The following SERGEF variants were observed in gnomAD, a reference collection of about 807,000 sequenced individuals.
SERGEF encodes secretion regulating guanine nucleotide exchange factor.
Under a neutral mutation model 50.0 loss-of-function variants are expected in SERGEF, and 51 were observed. The ratio of observed to expected loss-of-function variants is 1.02; its 90% CI spans 0.81 to 1.29. SERGEF has a LOEUF of 1.29. Among genes scored for constraint, SERGEF ranks in the 50% most tolerant of loss-of-function variants. The pLI, the probability that SERGEF is intolerant of heterozygous loss-of-function variation, is 0.00. For missense variants in SERGEF, 521 were observed against 557.0 expected (o/e 0.94, Z 0.65); for synonymous variants, 205 against 212.4 (o/e 0.97, Z 0.30).
At chr11:17,922,984 C>T (rs7928397) in intron 9 of SERGEF, among the ~76,000 whole-genome samples, 2,788 of 152,264 alleles carry the variant, frequency 0.018, 93 homozygotes, top group African/African-American at 0.063. Context: ...GGAGGTTACC[C>T]TAACAGAAAG....
intron 10 of SERGEF, among the ~76,000 whole-genome samples, chr11:17,854,413 A>T (rs1231255089): frequency 6.6e-6 from 1 of 152,152 alleles, no homozygotes; most frequent in African/African-American, 2.4e-5. Context: ...CTCTCCAGGC[A>T]TCTCTCTTCT....
chr11:17,910,189 A>ACT (rs1213330445), intron 9 of SERGEF, among the ~76,000 whole-genome samples: 21 of 90,768 alleles, frequency 2.3e-4, no homozygotes, highest in African/African-American at 3.8e-4. Flanking sequence ...ACACACACAC[A>ACT]CACACTCTCT....
intron 9 of SERGEF, among the ~76,000 whole-genome samples, chr11:17,948,743 C>T (rs1852718050): frequency 6.6e-6 from 1 of 152,198 alleles, no homozygotes; most frequent in Non-Finnish European, 1.5e-5. Context: ...AGTGGGACCC[C>T]ACTCTACCTC....
intron 10 of SERGEF, among the ~76,000 whole-genome samples, chr11:17,815,436 T>TCAAA (rs1849954309): frequency 9.2e-6 from 1 of 108,370 alleles, no homozygotes; most frequent in African/African-American, 3.6e-5. Context: ...CCATCTCTAC[T>TCAAA]AAAAAAAAAA....
intron 10 of SERGEF, among the ~76,000 whole-genome samples, chr11:17,806,614 T>A (rs769248662): frequency 6.6e-6 from 1 of 152,192 alleles, no homozygotes; most frequent in Non-Finnish European, 1.5e-5. Context: ...TAGGCAAGCA[T>A]CTTCCCATCT....
rs1347096259 is a variant in SERGEF, at chr11:17,861,257, G to A, written c.1048+16951C>T. Among the ~76,000 whole-genome samples, 4 of 152,334 alleles carry A rather than the reference G, an allele frequency of 2.6e-5. No individual in the cohort carries two copies. In the East Asian group the frequency reaches 7.7e-4, roughly 29 times the overall value. On this transcript the variant is annotated intron_variant, in intron 10 of 10. Coordinates refer to ENST00000265965, the MANE Select transcript of SERGEF (RefSeq NM_012139.4). ...ATTCTGAGCACCTACTCTGTGCCAA[G>A]AGCTTTTCCATAAACCACATAATTC...
At position 17,830,649 on chromosome 11, in the gene SERGEF, GGA is replaced by G. The variant is rs55967425; in HGVS notation, c.1049-42238_1049-42237del. ...GAGGGAAAGGGGGAGGGAGAGGGAG[GGA>G]GAGAGAGAGAGAGAGAGAGAGAGAG... is the stretch of plus-strand genomic sequence containing the variant. On this transcript the variant is annotated intron_variant, in intron 10 of 10. Transcript: ENST00000265965. 5.5e-3 allele frequency among the ~76,000 whole-genome samples: 425 copies of G among 77,716 alleles called. 4 individuals are homozygous for G. The highest frequency in any genetic ancestry group is 0.014 in the African/African-American group (246 of 17,322). The allele number at this position is 77,716 out of a possible 152,430, so 51.0% of individuals were successfully genotyped here. A position where few individuals can be genotyped will look rare whatever the true frequency, so the allele number is the denominator to read the frequency against.
intron 10 of SERGEF, among the ~76,000 whole-genome samples, chr11:17,790,017 T>C (rs981065239): frequency 1.3e-5 from 2 of 152,186 alleles, no homozygotes; most frequent in African/African-American, 4.8e-5. Context: ...AAATTAAAAA[T>C]AATTTTCTTC....
intron 9 of SERGEF, chr11:17,918,868 G>A: frequency 3.0e-6 from 1 of 336,440 alleles, no homozygotes; most frequent in African/African-American, 2.2e-5. Context: ...TGAAAGAGAA[G>A]TCAAGTTACA....
At chr11:17,955,262 C>T (rs1852842272) in intron 9 of SERGEF, among the ~76,000 whole-genome samples, 1 of 152,162 alleles carries the variant, frequency 6.6e-6, no homozygotes, top group Non-Finnish European at 1.5e-5. Context: ...TTTGTACATA[C>T]CTCTAATAGC....
intron 10 of SERGEF, among the ~76,000 whole-genome samples, chr11:17,812,298 A>G (rs186666863): frequency 1.3e-5 from 2 of 152,192 alleles, no homozygotes; most frequent in Admixed American, 1.3e-4. Flanking sequence ...AATCACTAAG[A>G]AAAGTACCTC....
chr11:17,972,429 C>A (rs1853267328), intron 8 of SERGEF, among the ~76,000 whole-genome samples: 1 of 152,178 alleles, frequency 6.6e-6, no homozygotes, highest in South Asian at 2.1e-4. Context: ...CAAGGCAAGA[C>A]CTTCTTCTAA....
chr11:17,830,227 C>G (rs1026454699), intron 10 of SERGEF, among the ~76,000 whole-genome samples: 1 of 152,190 alleles, frequency 6.6e-6, no homozygotes, highest in African/African-American at 2.4e-5. Flanking sequence ...TGGCATAGTG[C>G]CCTGGCACAT....
chr11:17,953,087 C>G, intron 9 of SERGEF, among the ~76,000 whole-genome samples: 1 of 137,406 alleles, frequency 7.3e-6, no homozygotes, highest in Non-Finnish European at 1.6e-5. Context: ...CCCCACCCAG[C>G]AGAACCCAGC....
chr11:17,971,160 C>T (rs190374864), intron 8 of SERGEF, among the ~76,000 whole-genome samples: 72 of 152,130 alleles, frequency 4.7e-4, no homozygotes, highest in Admixed American at 3.6e-3. Flanking sequence ...CACCACTGCA[C>T]TCCAGGCTGG....
At chr11:17,866,012 T>G (rs1014335516) in intron 10 of SERGEF, among the ~76,000 whole-genome samples, 3 of 152,240 alleles carry the variant, frequency 2.0e-5, no homozygotes, top group African/African-American at 7.2e-5. Flanking sequence ...TAATCTTTTG[T>G]ACCATATTTT....
intron 9 of SERGEF, among the ~76,000 whole-genome samples, chr11:17,920,141 G>A (rs1852126668): frequency 6.6e-6 from 1 of 151,884 alleles, no homozygotes; most frequent in Non-Finnish European, 1.5e-5. Context: ...TAGCTACTCA[G>A]GAGGCTGAGG....
At chr11:17,993,315 G>A (rs1853760569) in intron 6 of SERGEF, among the ~76,000 whole-genome samples, 1 of 152,220 alleles carries the variant, frequency 6.6e-6, no homozygotes, top group African/African-American at 2.4e-5. Flanking sequence ...AAAAATCAGT[G>A]TAAATTCATG....
intron 6 of SERGEF, among the ~76,000 whole-genome samples, chr11:17,994,322 A>G (rs758590038): frequency 3.3e-5 from 5 of 151,838 alleles, no homozygotes; most frequent in Non-Finnish European, 5.9e-5. Flanking sequence ...AAAAATACAA[A>G]AAAATTAGCC....
Sources: gnomAD v4.1 joint callset for allele counts (sites outside exome capture counted in the v4.1 genomes callset) on GRCh38, gnomAD v4.1.1 for gene constraint, MANE v1.5 for transcripts, NCBI Gene and HGNC (gene_info 2026-07-23, HGNC 2026-07-21) for gene names.